Variants in LRMDA observed in about 807,000 individuals in gnomAD.
The protein encoded by LRMDA is leucine-rich melanocyte differentiation-associated protein.
A neutral mutation model predicts 29.8 loss-of-function variants in LRMDA; 18 were observed. That is an observed-to-expected ratio of 0.60 (90% confidence interval 0.42 to 0.90). LRMDA has a LOEUF of 0.90. Among genes scored for constraint, LRMDA ranks in the 40% least tolerant of loss-of-function variants. The pLI is 0.00. For synonymous variants in LRMDA, 125 were observed against 109.4 expected, an observed-to-expected ratio of 1.14 and a Z score of -0.89; for missense variants, 273 against 273.9, an observed-to-expected ratio of 1.00 and a Z score of 0.02.
intron 2 of LRMDA, among the ~76,000 whole-genome samples, chr10:75,827,562 A>G (rs986146262): frequency 6.6e-6 from 1 of 152,084 alleles, no homozygotes; most frequent in Non-Finnish European, 1.5e-5. Flanking sequence ...GACAACAGAA[A>G]CCTCTTCCTA....
At chr10:75,600,225 T>C (rs7076378) in intron 2 of LRMDA, among the ~76,000 whole-genome samples, 20,970 of 152,124 alleles carry the variant, frequency 0.14, 4,592 homozygotes, top group African/African-American at 0.46. Context: ...TCCTGCATCT[T>C]CTTTCCACAG....
At chr10:75,913,920 G>C (rs545765195) in intron 2 of LRMDA, among the ~76,000 whole-genome samples, 118 of 152,302 alleles carry the variant, frequency 7.7e-4, no homozygotes, top group African/African-American at 2.6e-3. Context: ...CCTCCAAAAG[G>C]CTTGCCCCGC....
intron 6 of LRMDA, among the ~76,000 whole-genome samples, chr10:76,553,848 G>A (rs755493515): frequency 6.6e-6 from 1 of 151,900 alleles, no homozygotes; most frequent in South Asian, 2.1e-4. Flanking sequence ...CTTTCTCCCC[G>A]GGCGAGCACC....
At chr10:75,490,419 G>A (rs1293575802) in intron 2 of LRMDA, among the ~76,000 whole-genome samples, 2 of 151,808 alleles carry the variant, frequency 1.3e-5, no homozygotes, top group Admixed American at 1.3e-4. Context: ...CCCTCTAATT[G>A]TGAATTCTAG....
intron 2 of LRMDA, among the ~76,000 whole-genome samples, chr10:75,726,081 A>T (rs1327639525): frequency 2.0e-5 from 3 of 152,160 alleles, no homozygotes; most frequent in African/African-American, 7.2e-5. Flanking sequence ...AATGTACCTA[A>T]AGTTTACATG....
intron 6 of LRMDA, among the ~76,000 whole-genome samples, chr10:76,343,974 C>A (rs11001736): frequency 6.6e-6 from 1 of 151,754 alleles, no homozygotes; most frequent in Non-Finnish European, 1.5e-5. Flanking sequence ...CGTGCCACCA[C>A]GCCTGGCTAA....
chr10:76,546,503 G>A (rs140596135), intron 6 of LRMDA, among the ~76,000 whole-genome samples: 224 of 152,308 alleles, frequency 1.5e-3, no homozygotes, highest in African/African-American at 5.2e-3. Context: ...AACATTCTCC[G>A]AGTGGCTAGT....
intron 3 of LRMDA, among the ~76,000 whole-genome samples, chr10:76,041,639 G>A (rs543485966): frequency 2.7e-4 from 41 of 152,262 alleles, no homozygotes; most frequent in African/African-American, 7.5e-4. Context: ...CTTTGGACCC[G>A]CACAACTGGA....
chr10:75,597,269 C>T (rs7894847), intron 2 of LRMDA, among the ~76,000 whole-genome samples: 23,638 of 152,136 alleles, frequency 0.16, 5,877 homozygotes, highest in African/African-American at 0.52. Flanking sequence ...CTTGATGTAA[C>T]GTGATCATTT....
At chr10:75,479,627 T>C (rs1293180307) in intron 2 of LRMDA, among the ~76,000 whole-genome samples, 1 of 152,126 alleles carries the variant, frequency 6.6e-6, no homozygotes, top group Non-Finnish European at 1.5e-5. Context: ...TATAGAGCCA[T>C]TGTGCATGTA....
chr10:76,055,226 A>T (rs1848595391), intron 4 of LRMDA, among the ~76,000 whole-genome samples: 1 of 152,098 alleles, frequency 6.6e-6, no homozygotes, highest in Non-Finnish European at 1.5e-5. Context: ...CAATAGACTG[A>T]GGCCAGGGAG....
Position 76,499,184 on chromosome 10 carries a change from C to A in LRMDA, c.602-58025C>A, listed in dbSNP as rs758277071. Among the ~76,000 whole-genome samples, 3 of 75,154 alleles carry A rather than the reference C, an allele frequency of 4.0e-5. 1 individual carries two copies. The highest frequency in any genetic ancestry group is 1.2e-4 in the Admixed American group (1 of 8,066). The allele number at this position is 75,154 out of a possible 152,430, so 49.3% of individuals were successfully genotyped here. A position where few individuals can be genotyped will look rare whatever the true frequency, so the allele number is the denominator to read the frequency against. ...TTACAGAGTTGTGCAACTGTCACCA[C>A]TATCTAATCTTAGAACATTTTTGTC... is the stretch of plus-strand genomic sequence containing the variant. On this transcript the variant is annotated intron_variant, in intron 6 of 6. Coordinates refer to ENST00000611255, the MANE Select transcript of LRMDA (RefSeq NM_001305581.2).
rs138136373 is a variant in LRMDA, at chr10:75,937,332, A to G, written c.132-98676A>G. The stretch of plus-strand genomic sequence containing the variant: ...TCCTTTTAGATAAGCCTTGAAGAGA[A>G]GTTATCTCATTTAAAAGAATGAGCC... On this transcript the variant is annotated intron_variant, in intron 2 of 6. Coordinates refer to ENST00000611255, the MANE Select transcript of LRMDA (RefSeq NM_001305581.2). 2.3e-3 allele frequency among the ~76,000 whole-genome samples: 358 copies of G among 152,342 alleles called. 1 individual carries two copies. The highest frequency in any genetic ancestry group is 8.3e-3 in the African/African-American group (345 of 41,586).
At chr10:76,149,461 G>C (rs2132163235) in intron 5 of LRMDA, among the ~76,000 whole-genome samples, 1 of 152,332 alleles carries the variant, frequency 6.6e-6, no homozygotes, top group Non-Finnish European at 1.5e-5. Context: ...TGATCACAGA[G>C]AGTATGCTCT....
At chr10:76,264,877 T>C (rs1839987778) in intron 5 of LRMDA, among the ~76,000 whole-genome samples, 1 of 152,180 alleles carries the variant, frequency 6.6e-6, no homozygotes. Context: ...TAAATAAGCT[T>C]TCCTTAGCCT....
At chr10:75,956,664 C>T (rs893728710) in intron 2 of LRMDA, among the ~76,000 whole-genome samples, 13 of 152,126 alleles carry the variant, frequency 8.5e-5, no homozygotes, top group African/African-American at 2.9e-4. Context: ...GTTGCTCTGT[C>T]GTTCTTTAAC....
chr10:75,941,967 C>T (rs1464381137), intron 2 of LRMDA, among the ~76,000 whole-genome samples: 1 of 152,180 alleles, frequency 6.6e-6, no homozygotes, highest in Non-Finnish European at 1.5e-5. Flanking sequence ...TGTTATACCT[C>T]TGCAGTCTGT....
intron 2 of LRMDA, among the ~76,000 whole-genome samples, chr10:75,567,760 T>G (rs1840390815): frequency 6.6e-6 from 1 of 152,166 alleles, no homozygotes; most frequent in African/African-American, 2.4e-5. Flanking sequence ...TTGAATCAGG[T>G]AATAGAATCA....
At chr10:76,034,597 A>G (rs1251044907) in intron 2 of LRMDA, among the ~76,000 whole-genome samples, 1 of 152,144 alleles carries the variant, frequency 6.6e-6, no homozygotes, top group Non-Finnish European at 1.5e-5. Flanking sequence ...CCTCGTAAGT[A>G]TTGACTCCCT....
Sources: gnomAD v4.1 joint callset for allele counts (sites outside exome capture counted in the v4.1 genomes callset) on GRCh38, gnomAD v4.1.1 for gene constraint, MANE v1.5 for transcripts, NCBI Gene and HGNC (gene_info 2026-07-23, HGNC 2026-07-21) for gene names.